TBC1D22A: variants seen among roughly 807,000 people sequenced by gnomAD.
TBC1D22A encodes the protein putative GTPase activator.
Under a neutral mutation model 60.2 loss-of-function variants are expected in TBC1D22A, and 38 were observed. The ratio of observed to expected loss-of-function variants is 0.63; its 90% confidence interval spans 0.49 to 0.83. TBC1D22A has a LOEUF of 0.83. Among genes scored for constraint, TBC1D22A ranks in the 40% least tolerant of loss-of-function variants. TBC1D22A has a pLI of 0.00. For missense variants in TBC1D22A, 628 were observed against 701.0 expected (o/e 0.90, Z 1.18); for synonymous variants, 302 against 281.7 (o/e 1.07, Z -0.72).
At chr22:47,110,993 G>A (rs1035604580) in intron 11 of TBC1D22A, among the ~76,000 whole-genome samples, 1 of 152,216 alleles carries the variant, frequency 6.6e-6, no homozygotes, top group Non-Finnish European at 1.5e-5. Context: ...GTCCTTCCGC[G>A]TCCGTGGCTT....
At chr22:46,802,203 C>T (rs2084927575) in intron 4 of TBC1D22A, among the ~76,000 whole-genome samples, 1 of 152,228 alleles carries the variant, frequency 6.6e-6, no homozygotes, top group Non-Finnish European at 1.5e-5. Context: ...TGGTTGTAGG[C>T]ACTGGGGAGG....
intron 11 of TBC1D22A, among the ~76,000 whole-genome samples, chr22:47,065,805 G>A (rs1341892711): frequency 6.6e-6 from 1 of 152,172 alleles, no homozygotes; most frequent in East Asian, 1.9e-4. Flanking sequence ...CCTTGGCCAC[G>A]TCGTGAATCC....
At chr22:47,030,007 T>C (rs2062415008) in intron 10 of TBC1D22A, among the ~76,000 whole-genome samples, 1 of 152,232 alleles carries the variant, frequency 6.6e-6, no homozygotes, top group Non-Finnish European at 1.5e-5. Flanking sequence ...GGGACCTGGC[T>C]TTTCTAGCTG....
chr22:46,905,114 C>T (rs971105897), intron 7 of TBC1D22A, among the ~76,000 whole-genome samples: 2 of 152,290 alleles, frequency 1.3e-5, no homozygotes, highest in African/African-American at 2.4e-5. Flanking sequence ...CAGAGGGGGA[C>T]GGTGGGGACT....
At chr22:46,787,692 C>G (rs912001397) in intron 1 of TBC1D22A, among the ~76,000 whole-genome samples, 1 of 152,166 alleles carries the variant, frequency 6.6e-6, no homozygotes, top group African/African-American at 2.4e-5. Flanking sequence ...ATCCACGTCT[C>G]TTCCATAATA....
intron 6 of TBC1D22A, among the ~76,000 whole-genome samples, chr22:46,891,727 T>C (rs1193462909): frequency 6.6e-6 from 1 of 152,082 alleles, no homozygotes; most frequent in Non-Finnish European, 1.5e-5. Flanking sequence ...TGCTGTCTGG[T>C]AATAAAAGGC....
At position 46,797,550 on chromosome 22, in the gene TBC1D22A, G is replaced by A. The variant is rs765116388; in HGVS notation, c.567G>A (p.Ala189=). ...ACCCCAGCACTCTCAGCAGCTCAGC[G>A]CTGAGCGAAAGAGAGGCCTCCCGGC... ...TSDPSTLSSS[A]LSEREASRLD... is the part of the protein sequence containing the mutation. Residue 189 remains alanine, a synonymous_variant, in exon 4 of 13, where the codon GCG becomes GCA. Coordinates refer to ENST00000337137, the MANE Select transcript of TBC1D22A (RefSeq NM_014346.5). 6.8e-6 allele frequency: 11 copies of A among 1,613,908 alleles called. No homozygotes were observed. The South Asian group carries it at 1.2e-4, about 18-fold the overall frequency.
intron 9 of TBC1D22A, among the ~76,000 whole-genome samples, chr22:46,987,343 T>C (rs144062790): frequency 1.3e-5 from 2 of 152,334 alleles, no homozygotes; most frequent in African/African-American, 4.8e-5. Flanking sequence ...TCTAGTAATC[T>C]TGCTAGAGTC....
intron 7 of TBC1D22A, among the ~76,000 whole-genome samples, chr22:46,905,296 A>T (rs4823891): frequency 4.6e-5 from 7 of 152,066 alleles, no homozygotes; most frequent in South Asian, 2.1e-4. Context: ...AACAGCAAGC[A>T]GCAAGGAAAG....
At chr22:46,771,060 A>G (rs1433852594) in intron 1 of TBC1D22A, among the ~76,000 whole-genome samples, 1 of 152,208 alleles carries the variant, frequency 6.6e-6, no homozygotes, top group African/African-American at 2.4e-5. Flanking sequence ...GTCCAGAAAC[A>G]CTTTGAAAAA....
chr22:47,147,726 C>G (rs925183934), intron 12 of TBC1D22A, among the ~76,000 whole-genome samples: 2 of 152,232 alleles, frequency 1.3e-5, no homozygotes, highest in African/African-American at 4.8e-5. Context: ...CCTGGTCTGT[C>G]CTTAAGGGTA....
intron 12 of TBC1D22A, among the ~76,000 whole-genome samples, chr22:47,133,985 G>T (rs923561701): frequency 6.6e-6 from 1 of 152,104 alleles, no homozygotes; most frequent in South Asian, 2.1e-4. Flanking sequence ...TTTCTCGTGG[G>T]CCTGGAGCAG....
At chr22:46,813,026 T>C (rs1181824713) in intron 4 of TBC1D22A, among the ~76,000 whole-genome samples, 4 of 152,220 alleles carry the variant, frequency 2.6e-5, no homozygotes, top group African/African-American at 9.7e-5. Flanking sequence ...CTTGGTCCGC[T>C]CTTTGTCTCC....
At chr22:46,814,388 C>T (rs186401765) in intron 4 of TBC1D22A, among the ~76,000 whole-genome samples, 7 of 152,268 alleles carry the variant, frequency 4.6e-5, no homozygotes, top group South Asian at 2.1e-4. Context: ...AAGATTTTGA[C>T]GTCACAGAGC....
intron 3 of TBC1D22A, among the ~76,000 whole-genome samples, chr22:46,797,169 A>C (rs2084690079): frequency 6.6e-6 from 1 of 152,110 alleles, no homozygotes; most frequent in Non-Finnish European, 1.5e-5. Flanking sequence ...CCTGACCTCC[A>C]CACAGCCCGA....
chr22:46,941,521 TAC>T (rs1264434966), intron 8 of TBC1D22A, among the ~76,000 whole-genome samples: 8 of 143,800 alleles, frequency 5.6e-5, no homozygotes, highest in African/African-American at 1.8e-4. Context: ...GGAATATATA[TAC>T]ACGGAATATA....
intron 11 of TBC1D22A, 40 bp from the exon 12 acceptor site, chr22:47,111,468 C>T (rs1247279329): frequency 2.4e-5 from 38 of 1,575,976 alleles, no homozygotes; most frequent in Middle Eastern, 3.3e-4. Context: ...TAATGGGTCA[C>T]GCGTTACAAT....
intron 7 of TBC1D22A, among the ~76,000 whole-genome samples, chr22:46,909,305 CA>C (rs2069724536): frequency 6.6e-6 from 1 of 152,074 alleles, no homozygotes; most frequent in South Asian, 2.1e-4. Flanking sequence ...TACACACACA[CA>C]CACACACTCA....
At chr22:46,978,457 AT>A (rs2074389355) in intron 9 of TBC1D22A, among the ~76,000 whole-genome samples, 1 of 152,218 alleles carries the variant, frequency 6.6e-6, no homozygotes, top group South Asian at 2.1e-4. Context: ...ATTGTTTTAC[AT>A]TTTTGTAAAT....
Sources: gnomAD v4.1 joint callset for allele counts (sites outside exome capture counted in the v4.1 genomes callset) on GRCh38, gnomAD v4.1.1 for gene constraint, MANE v1.5 for transcripts, NCBI Gene and HGNC (gene_info 2026-07-23, HGNC 2026-07-21) for gene names.